USP4: variants seen among roughly 807,000 people sequenced by gnomAD.
USP4 encodes the protein ubiquitin carboxyl-terminal hydrolase 4.
USP4 carries 72 observed loss-of-function variants against 118.2 expected under a neutral mutation model. That is an observed-to-expected ratio of 0.61 (90% CI 0.50 to 0.74). The LOEUF is 0.74. Among genes scored for constraint, USP4 ranks in the 30% least tolerant of loss-of-function variants. The probability of loss-of-function intolerance (pLI) is 0.00; values close to 1 mark genes in which losing one functional copy is unlikely to be tolerated. For missense variants in USP4, 1,037 were observed against 1,185.7 expected, an observed-to-expected ratio of 0.87 and a Z score of 1.84; for synonymous variants, 415 against 440.4, an observed-to-expected ratio of 0.94 and a Z score of 0.72.
intron 2 of USP4, 137 bp from the exon 3 acceptor site, chr3:49,327,953 C>T (rs931742000): frequency 1.3e-6 from 1 of 761,462 alleles, no homozygotes; most frequent in African/African-American, 1.8e-5. Flanking sequence ...AATTCTGTCA[C>T]TGGTCATTAT....
chr3:49,299,368 G>A (rs539889898), intron 11 of USP4, among the ~76,000 whole-genome samples: 64 of 150,334 alleles, frequency 4.3e-4, no homozygotes, highest in Admixed American at 9.3e-4. Flanking sequence ...GATTACAGGG[G>A]TAAGCCACCG....
At position 49,316,950 on chromosome 3, in the gene USP4, T is replaced by A; in HGVS notation, c.696-5296A>T. ...GGCTTGTCACTGATGCCAGTGGAGGTTGGCAGCTGCCCCTCTTAGCACCTG... is the reference window on the plus strand; with the variant it reads ...GGCTTGTCACTGATGCCAGTGGAGGATGGCAGCTGCCCCTCTTAGCACCTG... On this transcript the variant is annotated intron_variant, in intron 6 of 21. Coordinates refer to ENST00000265560, the MANE Select transcript of USP4 (RefSeq NM_003363.4). The A allele has an allele frequency of 4.8e-6, 3 of 626,962 alleles. No homozygotes were observed. The South Asian group carries it at 5.7e-5, about 12-fold the overall frequency. 38.8% of individuals were successfully genotyped at this position (626,962 alleles called of 1,614,324 possible).
chr3:49,286,756 TTCCATCCATCCATCCATCATCCA>T (rs1575601397), intron 15 of USP4, among the ~76,000 whole-genome samples: 1 of 152,176 alleles, frequency 6.6e-6, no homozygotes, highest in East Asian at 1.9e-4. Context: ...CATCCATTCC[TTCCATCCATCCATCCATCATCCA>T]TCCATCTATC....
In USP4 at chr3:49,325,801, C is replaced by T. The variant is rs766171406; in HGVS notation, c.405G>A (p.Val135=). Residue 135 remains valine, a synonymous_variant, in exon 4 of 22, where the codon GTG becomes GTA. Coordinates refer to ENST00000265560, the MANE Select transcript of USP4 (RefSeq NM_003363.4). ...GLFVKHCKVE[V]YLLELKLCEN... ...CACAGAGCTTCAGTTCCAGCAAATA[C>T]ACCTCGACTTTGCAGTGCTTGACAA... 2.5e-6 allele frequency: 4 copies of T among 1,613,972 alleles called. No homozygotes were observed. Among genetic ancestry groups the T allele is most frequent in the Non-Finnish European group, 3.4e-6 (4 of 1,179,922 alleles).
chr3:49,315,424 T>C (rs1486832194), intron 6 of USP4, among the ~76,000 whole-genome samples: 1 of 152,138 alleles, frequency 6.6e-6, no homozygotes, highest in Non-Finnish European at 1.5e-5. Flanking sequence ...ATCTGGGAAA[T>C]GCTGAGCACT....
chr3:49,309,318 C>T (rs2047355689), intron 8 of USP4, among the ~76,000 whole-genome samples: 1 of 152,174 alleles, frequency 6.6e-6, no homozygotes, highest in South Asian at 2.1e-4. Flanking sequence ...GAACTGTGCC[C>T]TCCTAACTTT....
intron 11 of USP4, 129 bp from the exon 12 acceptor site, chr3:49,298,764 G>C: frequency 1.3e-6 from 1 of 781,790 alleles, no homozygotes; most frequent in Non-Finnish European, 2.2e-6. Context: ...TCAGGGTACA[G>C]ATGAGTCAGA....
intron 11 of USP4, among the ~76,000 whole-genome samples, chr3:49,300,035 C>A (rs2047248947): frequency 6.6e-6 from 1 of 152,004 alleles, no homozygotes; most frequent in Non-Finnish European, 1.5e-5. Context: ...TACTTGAGGT[C>A]AGGAGTTCTG....
At chr3:49,299,066 C>G (rs947248783) in intron 11 of USP4, among the ~76,000 whole-genome samples, 2 of 152,080 alleles carry the variant, frequency 1.3e-5, no homozygotes, top group Non-Finnish European at 1.5e-5. Flanking sequence ...GGCCACCAAG[C>G]CCGGCCTCAA....
chr3:49,330,538 A>G (rs1384357264), intron 2 of USP4, among the ~76,000 whole-genome samples: 7 of 151,022 alleles, frequency 4.6e-5, no homozygotes, highest in Non-Finnish European at 8.9e-5. Context: ...TCACCATGTT[A>G]GCCAGGATGG....
intron 6 of USP4, among the ~76,000 whole-genome samples, chr3:49,315,598 AAAAC>A (rs2047426828): frequency 6.6e-6 from 1 of 152,186 alleles, no homozygotes; most frequent in Non-Finnish European, 1.5e-5. Flanking sequence ...CCACACTCTG[AAAAC>A]AGACACTATG....
At chr3:49,338,904 T>G (rs189701866) in intron 1 of USP4, among the ~76,000 whole-genome samples, 12 of 152,132 alleles carry the variant, frequency 7.9e-5, no homozygotes, top group Admixed American at 5.2e-4. Flanking sequence ...TCCCAGCACT[T>G]TGGGAGGCCG....
intron 9 of USP4, 93 bp downstream of exon 9, chr3:49,305,622 A>G: frequency 1.6e-6 from 2 of 1,236,828 alleles, no homozygotes; most frequent in South Asian, 1.9e-5. Context: ...ACCATAAAAA[A>G]AAATCCTAAA....
intron 6 of USP4, among the ~76,000 whole-genome samples, chr3:49,316,135 G>A (rs1359004564): frequency 6.6e-6 from 1 of 152,000 alleles, no homozygotes; most frequent in East Asian, 1.9e-4. Context: ...CCGGGAGGTG[G>A]AGGTTGCAGT....
Position 49,299,142 on chromosome 3 carries a change from C to T in USP4, c.1513-507G>A, listed in dbSNP as rs562049295. Among the ~76,000 whole-genome samples the T allele has an allele frequency of 1.3e-4, 19 of 151,900 alleles. 1 individual carries two copies. In the South Asian group the frequency reaches 2.7e-3, roughly 22 times the overall value. On this transcript the variant is annotated intron_variant, in intron 11 of 21. Coordinates refer to ENST00000265560, the MANE Select transcript of USP4 (RefSeq NM_003363.4). ...TCTTGCTCTGTCACACAAGCTGGAG[C>T]GCAGTGACGCGATCTTGGCTCACTG...
At chr3:49,280,535 G>A (rs1238535395) in intron 20 of USP4, among the ~76,000 whole-genome samples, 2 of 150,362 alleles carry the variant, frequency 1.3e-5, no homozygotes, top group Non-Finnish European at 3.0e-5. Flanking sequence ...GTTCTAGCCT[G>A]GGTGACATAA....
intron 14 of USP4, chr3:49,293,482 AAAC>A (rs202046136): frequency 1.0e-3 from 153 of 152,204 alleles, no homozygotes; most frequent in South Asian, 8.0e-3. Context: ...ACAAACAAAC[AAAC>A]AACAACAACA....
intron 6 of USP4, among the ~76,000 whole-genome samples, chr3:49,318,977 C>A (rs2047471149): frequency 1.3e-5 from 2 of 149,168 alleles, no homozygotes; most frequent in Admixed American, 6.7e-5. Flanking sequence ...CATTTACTAT[C>A]CTCTGCCAAG....
chr3:49,277,229 G>A lies in USP4; in HGVS notation c.*1064C>T. ...GACCCATCCAACGGTCATCGCATGCGCGTGCCCCGCGCAGGCCCCAAACCC... is the reference window on the plus strand; with the variant it reads ...GACCCATCCAACGGTCATCGCATGCACGTGCCCCGCGCAGGCCCCAAACCC... On this transcript the variant is annotated 3_prime_UTR_variant, in exon 22 of 22. Coordinates refer to ENST00000265560, the MANE Select transcript of USP4 (RefSeq NM_003363.4). 2.3e-6 allele frequency: 3 copies of A among 1,317,022 alleles called. No individual in the cohort carries two copies. The highest frequency in any genetic ancestry group is 1.2e-5 in the South Asian group (1 of 81,256). The allele number at this position is 1,317,022 out of a possible 1,614,324, so 81.6% of individuals were successfully genotyped here.
Sources: allele counts gnomAD v4.1 joint callset (sites outside exome capture counted in the v4.1 genomes callset), GRCh38; gene constraint gnomAD v4.1.1; transcripts MANE v1.5; gene names NCBI Gene and HGNC (gene_info 2026-07-23, HGNC 2026-07-21).